The following UNC5D variants were observed in gnomAD, a reference collection of about 807,000 sequenced individuals.
UNC5D encodes netrin receptor UNC5D.
In UNC5D, 39 loss-of-function variants were observed where a neutral mutation model predicts 105.4. The ratio of observed to expected loss-of-function variants is 0.37; its 90% CI spans 0.29 to 0.48. UNC5D has a LOEUF of 0.48. UNC5D is among the 20% of genes least tolerant of loss of function. The pLI is 0.98. For missense variants in UNC5D, 991 were observed against 1,202.4 expected (o/e 0.82, Z 2.60); for synonymous variants, 452 against 450.4 (o/e 1.00, Z -0.04).
At chr8:35,439,558 G>A (rs1807258130) in intron 1 of UNC5D, among the ~76,000 whole-genome samples, 1 of 152,024 alleles carries the variant, frequency 6.6e-6, no homozygotes, top group Non-Finnish European at 1.5e-5. Context: ...TCTTGTTTTA[G>A]CAGAAGTCTC....
At chr8:35,412,993 T>C (rs958974175) in intron 1 of UNC5D, among the ~76,000 whole-genome samples, 5 of 152,202 alleles carry the variant, frequency 3.3e-5, no homozygotes, top group East Asian at 1.9e-4. Context: ...TTTGAACATA[T>C]GAAATGTCCT....
intron 1 of UNC5D, among the ~76,000 whole-genome samples, chr8:35,419,735 A>C (rs1805767841): frequency 6.6e-6 from 1 of 152,148 alleles, no homozygotes. Context: ...CTGTTGCTTG[A>C]CAAGTGAGAA....
At chr8:35,544,368 A>G in intron 1 of UNC5D, 1 of 1,591,250 alleles carries the variant, frequency 6.3e-7, no homozygotes, top group Admixed American at 1.8e-5. Flanking sequence ...TCTGCCACAA[A>G]TAACAGAAAA....
chr8:35,412,265 T>A (rs1805224143), intron 1 of UNC5D, among the ~76,000 whole-genome samples: 1 of 152,070 alleles, frequency 6.6e-6, no homozygotes, highest in South Asian at 2.1e-4. Flanking sequence ...ACTTAAATTG[T>A]CCTCACTGAC....
intron 1 of UNC5D, among the ~76,000 whole-genome samples, chr8:35,305,644 C>A (rs111859837): frequency 1.1e-4 from 12 of 105,946 alleles, no homozygotes; most frequent in African/African-American, 4.8e-4. Flanking sequence ...TCTCTCTCTT[C>A]TTTCTTTCTT....
At chr8:35,467,223 CT>C (rs1809372191) in intron 1 of UNC5D, among the ~76,000 whole-genome samples, 1 of 152,132 alleles carries the variant, frequency 6.6e-6, no homozygotes, top group Non-Finnish European at 1.5e-5. Flanking sequence ...TGCCAGTTGT[CT>C]TTGAGCACTG....
At chr8:35,641,475 G>A (rs1010315729) in intron 4 of UNC5D, among the ~76,000 whole-genome samples, 5 of 151,326 alleles carry the variant, frequency 3.3e-5, no homozygotes, top group African/African-American at 1.2e-4. Flanking sequence ...CTGTTTAAGT[G>A]GATGGCCTGC....
intron 1 of UNC5D, among the ~76,000 whole-genome samples, chr8:35,323,188 C>CTTTTT (rs67076001): frequency 1.7e-4 from 22 of 125,936 alleles, no homozygotes; most frequent in African/African-American, 3.2e-4. Context: ...TTTTCTTTTT[C>CTTTTT]TTTTTTTTTT....
intron 1 of UNC5D, among the ~76,000 whole-genome samples, chr8:35,342,921 A>C (rs1489434046): frequency 6.6e-6 from 1 of 152,128 alleles, no homozygotes; most frequent in Non-Finnish European, 1.5e-5. Flanking sequence ...GAGCATTTTA[A>C]ACAAATACCT....
At chr8:35,545,143 T>C (rs1464805038) in intron 1 of UNC5D, among the ~76,000 whole-genome samples, 1 of 152,198 alleles carries the variant, frequency 6.6e-6, no homozygotes, top group Non-Finnish European at 1.5e-5. Flanking sequence ...AGTTGTGGCA[T>C]ATGTGTTGAG....
chr8:35,335,379 T>C (rs1810948165), intron 1 of UNC5D, among the ~76,000 whole-genome samples: 1 of 152,212 alleles, frequency 6.6e-6, no homozygotes, highest in South Asian at 2.1e-4. Flanking sequence ...CTTATGACAT[T>C]GTATTAGTCC....
rs146543585 is a variant in UNC5D, at chr8:35,473,803, A to G, written c.104-75489A>G. On this transcript the variant is annotated intron_variant, in intron 1 of 16. Transcript: ENST00000404895. ...TAGATGTGTGTGTCTTTGTGTTGCT[A>G]TAACAGAATATGTGAGCCTGGCTAA... is the stretch of plus-strand genomic sequence containing the variant. Among the ~76,000 whole-genome samples the G allele has an allele frequency of 3.7e-3, 555 of 150,436 alleles. 7 individuals are homozygous for G. The highest frequency in any genetic ancestry group is 0.013 in the African/African-American group (528 of 40,886).
At chr8:35,785,716 C>T (rs1409116749) in intron 16 of UNC5D, among the ~76,000 whole-genome samples, 1 of 152,136 alleles carries the variant, frequency 6.6e-6, no homozygotes, top group East Asian at 1.9e-4. Flanking sequence ...GAGAAACACA[C>T]TCACCCGTCC....
intron 1 of UNC5D, among the ~76,000 whole-genome samples, chr8:35,519,103 T>C (rs1563494261): frequency 6.6e-6 from 1 of 152,158 alleles, no homozygotes; most frequent in East Asian, 1.9e-4. Flanking sequence ...TACTTTTTTT[T>C]CCTTTAGCCT....
At chr8:35,303,415 A>G (rs985055432) in intron 1 of UNC5D, among the ~76,000 whole-genome samples, 1 of 152,174 alleles carries the variant, frequency 6.6e-6, no homozygotes, top group African/African-American at 2.4e-5. Flanking sequence ...AGTAGAATAC[A>G]TGGCTAATAC....
chr8:35,680,948 A>AC (rs1185006850), intron 4 of UNC5D, among the ~76,000 whole-genome samples: 2 of 152,180 alleles, frequency 1.3e-5, no homozygotes, highest in Non-Finnish European at 2.9e-5. Flanking sequence ...CAGGCAATTT[A>AC]CCCCTGAATT....
rs1449567373 is a variant in UNC5D, at chr8:35,794,075, A to G, written c.*3512A>G. The G allele has an allele frequency of 6.6e-6, 1 of 152,186 alleles. No individual in the cohort carries two copies. Among genetic ancestry groups the G allele is most frequent in the East Asian group, 1.9e-4 (1 of 5,196 alleles). 9.4% of individuals were successfully genotyped at this position (152,186 alleles called of 1,614,324 possible). A position where few individuals can be genotyped will look rare whatever the true frequency, so the allele number is the denominator to read the frequency against. ...AACAAATGTAGATGATTAAAATAGG[A>G]TAATTGGTTTTAGATAATATCTTCT... On this transcript the variant is annotated 3_prime_UTR_variant, in exon 17 of 17. Coordinates refer to ENST00000404895, the MANE Select transcript of UNC5D (RefSeq NM_080872.4).
chr8:35,685,807 T>A (rs1435956156), intron 6 of UNC5D, among the ~76,000 whole-genome samples: 1 of 152,128 alleles, frequency 6.6e-6, no homozygotes, highest in Non-Finnish European at 1.5e-5. Context: ...TCAAGTTCAG[T>A]ATTTTTTTTA....
At chr8:35,520,384 G>A (rs1264477194) in intron 1 of UNC5D, among the ~76,000 whole-genome samples, 2 of 152,064 alleles carry the variant, frequency 1.3e-5, no homozygotes, top group Non-Finnish European at 2.9e-5. Flanking sequence ...AAAATAGATT[G>A]ATGGTTGCCA....
Sources: allele counts gnomAD v4.1 joint callset (sites outside exome capture counted in the v4.1 genomes callset), GRCh38; gene constraint gnomAD v4.1.1; transcripts MANE v1.5; gene names NCBI Gene and HGNC (gene_info 2026-07-23, HGNC 2026-07-21).